PGAP6: variants seen among roughly 807,000 people sequenced by gnomAD.
PGAP6 encodes post-GPI attachment to proteins 6, also known as post-GPI attachment to proteins factor 6.
PGAP6 carries 62 observed loss-of-function variants against 68.4 expected under a neutral mutation model. That is an observed-to-expected ratio of 0.91 (90% CI 0.74 to 1.12). The LOEUF (loss-of-function observed/expected upper bound fraction) is 1.12, where lower values mean the gene tolerates loss of function less well. Among genes scored for constraint, PGAP6 ranks in the 50% most tolerant of loss-of-function variants. PGAP6 has a pLI of 0.00. For missense variants in PGAP6, 1,188 were observed against 1,068.5 expected, an observed-to-expected ratio of 1.11 and a Z score of -1.56; for synonymous variants, 575 against 474.0, an observed-to-expected ratio of 1.21 and a Z score of -2.77.
upstream of PGAP6, chr16:386,557 C>T (rs777547774): frequency 1.5e-5 from 5 of 327,366 alleles, no homozygotes; most frequent in Non-Finnish European, 2.9e-5. Flanking sequence ...GCATGAACCA[C>T]ACCACAGGTG....
At chr16:385,166 CAA>C (rs1226925675), upstream of PGAP6, among the ~76,000 whole-genome samples, 7 of 104,820 alleles carry the variant, frequency 6.7e-5, no homozygotes, top group Non-Finnish European at 1.2e-4. Flanking sequence ...GTCTCCATCT[CAA>C]AAAAAAAAAA....
rs199670311 is a variant in PGAP6 at position 377,758 on chromosome 16, C to T, written c.212G>A (p.Arg71His). ...TAGAAGCACAGCATCTGGGGGCACG[C>T]GGAAGCGGAAGAGCCTGGCACTGCC... is the stretch of plus-strand genomic sequence containing the variant. ...WYGSARLFRF[R>H]VPPDAVLLRW... The change falls in exon 2 of 13, where the codon CGC becomes CAC. Residue 71 changes from arginine (R) to histidine (H), a missense_variant. By Grantham distance (29) the Arg-to-His change is conservative. Coordinates refer to ENST00000431232, the MANE Select transcript of PGAP6 (RefSeq NM_021259.3). 277 of 1,592,196 alleles carry T rather than the reference C, an allele frequency of 1.7e-4. 4 individuals are homozygous for T. The East Asian group carries it at 4.1e-3, about 24-fold the overall frequency.
Position 376,207 on chromosome 16 carries a change from CG to C in PGAP6, c.1152del (p.Val385Ter). The C allele has an allele frequency of 6.2e-7, 1 of 1,612,658 alleles. No individual in the cohort carries two copies. Among genetic ancestry groups the C allele is most frequent in the Non-Finnish European group, 8.5e-7 (1 of 1,179,970 alleles). On this transcript the variant is annotated frameshift_variant, in exon 6 of 13. Transcript: ENST00000431232. LOFTEE classifies it high-confidence loss of function. ...CCGGTGTTCAGGCGCAGCCGCATCA[CG>C]GAGGGCGTGTCCGAACACACCCTCA... Reference protein sequence around the residue: ...VSVRVCSDTPSVMRLRLNTGM... With the variant: ...VSVRVCSDTPXVMRLRLNTGM...
upstream of PGAP6, chr16:386,844 G>A (rs761760506): frequency 1.3e-5 from 9 of 687,842 alleles, no homozygotes; most frequent in Middle Eastern, 2.8e-4. Flanking sequence ...CAAGAAGGCA[G>A]CGTTGAAAGG....
chr16:377,653 G>T lies in PGAP6; in HGVS notation c.299+18C>A. ...GCCAGGCGCGGGAGGGTGGGCAGGC[G>T]GGCGGGCAGCCACCTACACGGTGAT... On this transcript the variant is annotated intron_variant, in intron 2 of 12. Transcript: ENST00000431232. 6.4e-7 allele frequency: 1 copy of T among 1,573,226 alleles called. No homozygotes were observed. The highest frequency in any genetic ancestry group is 1.2e-5 in the South Asian group (1 of 86,424).
intron 11 of PGAP6, 145 bp from the exon 12 acceptor site, chr16:372,872 C>T (rs1567322354): frequency 6.5e-6 from 4 of 617,534 alleles, no homozygotes; most frequent in Non-Finnish European, 1.1e-5. Flanking sequence ...CAGCCTCTGA[C>T]TAGCTCTGCC....
In PGAP6 at chr16:376,615, A is replaced by C. The variant is rs1028671112; in HGVS notation, c.833T>G (p.Leu278Arg). ...CACCAGGCTCTCAGCTGTCACTTGC[A>C]GCCACCGGTCCCAGGGCGGTGAGGG... ...LLPSPPWDRW[L>R]QVTAESLVGP... Residue 278 changes from leucine (L) to arginine (R), a missense_variant, in exon 5 of 13, where the codon CTG becomes CGG. By Grantham distance (102) the Leu-to-Arg change is moderately radical. Coordinates refer to ENST00000431232, the MANE Select transcript of PGAP6 (RefSeq NM_021259.3). 4 of 1,595,560 alleles carry C rather than the reference A, an allele frequency of 2.5e-6. No individual in the cohort carries two copies. In the East Asian group the frequency reaches 9.0e-5, roughly 36 times the overall value.
At chr16:382,189 G>A (rs1597167844), upstream of PGAP6, 1 of 391,936 alleles carries the variant, frequency 2.6e-6, no homozygotes, top group Non-Finnish European at 4.5e-6. Context: ...GGATCGCGGG[G>A]GTCCCAGGAC....
chr16:377,408 C>A lies in PGAP6; in HGVS notation c.477G>T (p.Leu159=). Residue 159 remains leucine (L), a synonymous_variant, in exon 3 of 13, where the codon CTG becomes CTT. Coordinates refer to ENST00000431232, the MANE Select transcript of PGAP6 (RefSeq NM_021259.3). ...ACTCGATCTTCTGGGATGAGGGGGG[C>A]AGGTGGGCGGCCACGAACCAGTCCC... ...APGDWFVAAH[L]PPSSQKIELK... 1 of 1,605,502 alleles carries A rather than the reference C, an allele frequency of 6.2e-7. No homozygotes were observed. Among genetic ancestry groups the A allele is most frequent in the South Asian group, 1.1e-5 (1 of 90,298 alleles).
intron 8 of PGAP6, 103 bp downstream of exon 8, chr16:375,030 T>A (rs2054369039): frequency 1.3e-6 from 2 of 1,575,136 alleles, no homozygotes; most frequent in Admixed American, 3.5e-5. Flanking sequence ...GAAGCACCCC[T>A]CTAGCTGGGT....
At position 371,048 on chromosome 16, in the gene PGAP6, C is replaced by G. The variant is rs1256570380; in HGVS notation, c.*939G>C. 6.6e-6 allele frequency: 1 copy of G among 152,326 alleles called. No individual in the cohort carries two copies. The highest frequency in any genetic ancestry group is 2.4e-5 in the African/African-American group (1 of 41,420). The allele number at this position is 152,326 out of a possible 1,614,324, so 9.4% of individuals were successfully genotyped here. A position where few individuals can be genotyped will look rare whatever the true frequency, so the allele number is the denominator to read the frequency against. On this transcript the variant is annotated 3_prime_UTR_variant, in exon 13 of 13. Transcript: ENST00000431232. ...AGAGCCAAGGGTAGGAGGGCCCCAC[C>G]CGGGTCTCAGCCACTCACTTCTCCA...
rs2054356829 is a variant in PGAP6 at position 374,012 on chromosome 16, A to C, written c.1895T>G (p.Leu632Arg). The C allele has an allele frequency of 3.1e-6, 5 of 1,608,444 alleles. No individual in the cohort carries two copies. In the East Asian group the frequency reaches 8.9e-5, roughly 29 times the overall value. Residue 632 changes from leucine to arginine, a missense_variant, in exon 11 of 13, where the codon CTG (leucine) becomes CGG (arginine). Coordinates refer to ENST00000431232, the MANE Select transcript of PGAP6 (RefSeq NM_021259.3). ...ILCMARLKTVLKYVLFLLGTL... is the reference protein window; with the variant it reads ...ILCMARLKTVRKYVLFLLGTL... Reference sequence around the variant, plus strand: ...ACGTCGAGGGCCACTCACGTATTTCAGGACTGTCTTGAGCCGTGCCATGCA... The same window carrying C: ...ACGTCGAGGGCCACTCACGTATTTCCGGACTGTCTTGAGCCGTGCCATGCA...
rs1451297594 is a variant in PGAP6 at position 377,754 on chromosome 16, C to T, written c.216G>A (p.Val72=). 1.3e-6 allele frequency: 2 copies of T among 1,593,464 alleles called. No homozygotes were observed. The highest frequency in any genetic ancestry group is 2.7e-5 in the African/African-American group (2 of 74,598). The change falls in exon 2 of 13, where the codon GTG becomes GTA. Residue 72 remains valine (V), a synonymous_variant. Coordinates refer to ENST00000431232, the MANE Select transcript of PGAP6 (RefSeq NM_021259.3). ...YGSARLFRFR[V]PPDAVLLRWL... is the part of the protein sequence containing the mutation. ...AGCGTAGAAGCACAGCATCTGGGGG[C>T]ACGCGGAAGCGGAAGAGCCTGGCAC...
At chr16:386,286 T>C (rs1211585769), upstream of PGAP6, among the ~76,000 whole-genome samples, 1 of 151,600 alleles carries the variant, frequency 6.6e-6, no homozygotes, top group East Asian at 1.9e-4. Flanking sequence ...ATAACCACCC[T>C]GTGCACCTCC....
At chr16:381,497 G>A (rs893550662) in intron 1 of PGAP6, among the ~76,000 whole-genome samples, 25 of 152,290 alleles carry the variant, frequency 1.6e-4, no homozygotes, top group South Asian at 8.3e-4. Context: ...GGGGGACCGA[G>A]GAGGAAGCGC....
rs768908013 is a variant in PGAP6 at position 376,273 on chromosome 16, C to T, written c.1087G>A (p.Val363Met). The change falls in exon 6 of 13, where the codon GTG becomes ATG. Residue 363 changes from valine (V) to methionine (M), a missense_variant. Physicochemically the swap from Val to Met is conservative, Grantham distance 21 (BLOSUM62 1). Coordinates refer to ENST00000431232, the MANE Select transcript of PGAP6 (RefSeq NM_021259.3). ...NYPVTREDMD[V>M]VSVHFQPLDR... ...AGGGGCTGGAAGTGCACCGACACCA[C>T]GTCCATGTCCTCCCGCGTGACTGGG... The T allele has an allele frequency of 9.3e-6, 15 of 1,612,856 alleles. No homozygotes were observed. Among genetic ancestry groups the T allele is most frequent in the South Asian group, 2.2e-5 (2 of 91,076 alleles).
At chr16:385,684 G>T, upstream of PGAP6, among the ~76,000 whole-genome samples, 1 of 132,290 alleles carries the variant, frequency 7.6e-6, no homozygotes, top group East Asian at 2.2e-4. Flanking sequence ...GAGTGCAGTG[G>T]CGCGATCCTG....
rs1374938341 is a variant in PGAP6, at chr16:377,583, T to C, written c.302A>G (p.His101Arg). Residue 101 changes from histidine to arginine, a missense_variant and splice_region_variant, in exon 3 of 13, where the codon CAC (histidine) becomes CGC (arginine). Physicochemically the swap from His to Arg is conservative, Grantham distance 29 (BLOSUM62 0). Transcript: ENST00000431232. ...AACTDAEITV[H>R]FRSGAPPVIN... ...GACCGGAGGGGCGCCGGAACGGAAG[T>C]GCCTGGAGACGGGAGAGCAGCACCG... 1 of 1,574,532 alleles carries C rather than the reference T, an allele frequency of 6.4e-7. No individual in the cohort carries two copies. The highest frequency in any genetic ancestry group is 1.4e-5 in the African/African-American group (1 of 73,982).
upstream of PGAP6, among the ~76,000 whole-genome samples, chr16:384,730 C>A (rs1036252002): frequency 6.6e-6 from 1 of 152,050 alleles, no homozygotes; most frequent in Non-Finnish European, 1.5e-5. Flanking sequence ...GTGGCAGGTG[C>A]CTGTAGTCCC....
Sources: allele counts gnomAD v4.1 joint callset (sites outside exome capture counted in the v4.1 genomes callset), GRCh38; gene constraint gnomAD v4.1.1; transcripts MANE v1.5; gene names NCBI Gene and HGNC (gene_info 2026-07-23, HGNC 2026-07-21).